Variants in NOP58 observed in about 807,000 individuals in gnomAD.
NOP58 encodes NOP58 ribonucleoprotein, also known as nucleolar protein 58.
NOP58 carries 44 observed loss-of-function variants against 71.2 expected under a neutral mutation model. The ratio of observed to expected loss-of-function variants is 0.62; its 90% confidence interval spans 0.49 to 0.79. The LOEUF (loss-of-function observed/expected upper bound fraction) is 0.79, where lower values mean the gene tolerates loss of function less well. Ranked by LOEUF, NOP58 falls within the 30% of genes least tolerant of loss-of-function variation. NOP58 has a pLI of 0.00. For missense variants in NOP58, 538 were observed against 620.2 expected (o/e 0.87, Z 1.41); for synonymous variants, 228 against 200.3 (o/e 1.14, Z -1.17).
intron 4 of NOP58, among the ~76,000 whole-genome samples, chr2:202,283,737 C>T (rs916245274): frequency 6.6e-6 from 1 of 152,040 alleles, no homozygotes; most frequent in Non-Finnish European, 1.5e-5. Context: ...CCGCGCCTGG[C>T]ATAACCTGTA....
At chr2:202,297,319 C>G (rs1336993558) in intron 10 of NOP58, 60 bp from the exon 11 acceptor site, 4 of 1,447,810 alleles carry the variant, frequency 2.8e-6, no homozygotes, top group Admixed American at 2.0e-5. Context: ...TTAAAACATC[C>G]AAGTTATTGA....
chr2:202,282,256 A>C, intron 3 of NOP58, 95 bp from the exon 4 acceptor site: 2 of 884,718 alleles, frequency 2.3e-6, no homozygotes, highest in Non-Finnish European at 3.5e-6. Flanking sequence ...AGCCCTTTGA[A>C]AGGCCTATTT....
At chr2:202,302,072 C>CT (rs1187670961) in intron 13 of NOP58, among the ~76,000 whole-genome samples, 43 of 119,088 alleles carry the variant, frequency 3.6e-4, no homozygotes, top group Middle Eastern at 5.0e-3. Flanking sequence ...TTTTCTTTTT[C>CT]TTTTTTTTTT....
chr2:202,281,706 A>G (rs1430503748), intron 3 of NOP58, among the ~76,000 whole-genome samples: 1 of 152,242 alleles, frequency 6.6e-6, no homozygotes, highest in East Asian at 1.9e-4. Context: ...TACCTCAGTC[A>G]AATGTCAGAT....
intron 12 of NOP58, among the ~76,000 whole-genome samples, chr2:202,298,936 G>A (rs1689041068): frequency 6.9e-6 from 1 of 144,376 alleles, no homozygotes; most frequent in Non-Finnish European, 1.5e-5. Context: ...ACTTTCAGGA[G>A]TCATAATCCT....
At chr2:202,284,252 G>A (rs1224196371) in intron 4 of NOP58, 93 bp from the exon 5 acceptor site, 13 of 1,079,764 alleles carry the variant, frequency 1.2e-5, no homozygotes, top group African/African-American at 3.2e-5. Flanking sequence ...CAGCCTGGGC[G>A]ACAGAGTGAT....
chr2:202,272,628 C>T (rs1011298341), intron 1 of NOP58, among the ~76,000 whole-genome samples: 6 of 152,154 alleles, frequency 3.9e-5, no homozygotes. Flanking sequence ...AATCCAGAGA[C>T]ACCTCACCAA....
At chr2:202,284,655 G>A in intron 5 of NOP58, 174 bp downstream of exon 5, 1 of 618,080 alleles carries the variant, frequency 1.6e-6, no homozygotes. Flanking sequence ...AATACAGCTG[G>A]TAAGTGGTAA....
intron 9 of NOP58, among the ~76,000 whole-genome samples, chr2:202,294,798 A>G (rs1279672536): frequency 1.3e-5 from 2 of 152,034 alleles, no homozygotes; most frequent in African/African-American, 2.4e-5. Context: ...CCCCATCTCT[A>G]CTAAAAATAC....
chr2:202,266,385 G>A (rs1315517949), intron 1 of NOP58, among the ~76,000 whole-genome samples: 2 of 151,486 alleles, frequency 1.3e-5, no homozygotes, highest in African/African-American at 2.4e-5. Context: ...TGCAACCTCC[G>A]TCTCCCGGGT....
chr2:202,274,158 T>C (rs1251499138), intron 1 of NOP58, among the ~76,000 whole-genome samples: 1 of 152,228 alleles, frequency 6.6e-6, no homozygotes, highest in African/African-American at 2.4e-5. Context: ...AATACTTTCA[T>C]GTTAGGATGA....
chr2:202,277,564 G>A (rs1688624880), intron 2 of NOP58, among the ~76,000 whole-genome samples: 1 of 151,922 alleles, frequency 6.6e-6, no homozygotes, highest in Non-Finnish European at 1.5e-5. Context: ...CATTTGTACA[G>A]GATAGACAAA....
At chr2:202,295,034 T>C (rs1028525564) in intron 9 of NOP58, among the ~76,000 whole-genome samples, 1 of 151,976 alleles carries the variant, frequency 6.6e-6, no homozygotes, top group Non-Finnish European at 1.5e-5. Context: ...ACTGCAGTAC[T>C]GCACAACGGA....
At chr2:202,288,547 G>A (rs1010550818) in intron 6 of NOP58, among the ~76,000 whole-genome samples, 6 of 151,736 alleles carry the variant, frequency 4.0e-5, no homozygotes, top group South Asian at 4.2e-4. Context: ...GCATTCGGCC[G>A]TGGCTCACGC....
At chr2:202,295,650 C>G in intron 9 of NOP58, 24 bp from the exon 10 acceptor site, 2 of 1,536,262 alleles carry the variant, frequency 1.3e-6, no homozygotes, top group Non-Finnish European at 1.8e-6. Flanking sequence ...GAGGTGCATT[C>G]TTTGTAACTT....
intron 1 of NOP58, among the ~76,000 whole-genome samples, chr2:202,268,008 A>G (rs1269856203): frequency 1.3e-5 from 2 of 152,216 alleles, no homozygotes; most frequent in African/African-American, 2.4e-5. Flanking sequence ...TGGAATTAAC[A>G]TTGATCGTTT....
At chr2:202,276,394 T>G (rs1163476399) in intron 2 of NOP58, 2 of 427,000 alleles carry the variant, frequency 4.7e-6, no homozygotes, top group African/African-American at 4.0e-5. Flanking sequence ...CTAGTTTTCC[T>G]TCTTAAAGGG....
At chr2:202,293,951 A>G (rs1406609158) in intron 9 of NOP58, among the ~76,000 whole-genome samples, 2 of 152,074 alleles carry the variant, frequency 1.3e-5, no homozygotes, top group Non-Finnish European at 2.9e-5. Flanking sequence ...AGATGATTTC[A>G]TTGTCTCTAC....
intron 9 of NOP58, among the ~76,000 whole-genome samples, chr2:202,293,718 G>A (rs1288709752): frequency 6.6e-6 from 1 of 152,062 alleles, no homozygotes; most frequent in Non-Finnish European, 1.5e-5. Context: ...TTACAGGCAT[G>A]TGCTGCCACC....
Sources: gnomAD v4.1 joint callset for allele counts (sites outside exome capture counted in the v4.1 genomes callset) on GRCh38, gnomAD v4.1.1 for gene constraint, MANE v1.5 for transcripts, NCBI Gene and HGNC (gene_info 2026-07-23, HGNC 2026-07-21) for gene names.